SPRY3: variants seen among roughly 807,000 people sequenced by gnomAD.
SPRY3 encodes protein sprouty homolog 3.
A neutral mutation model predicts 20.2 loss-of-function variants in SPRY3; 15 were observed. The ratio of observed to expected loss-of-function variants is 0.74; its 90% CI spans 0.50 to 1.14. The LOEUF (loss-of-function observed/expected upper bound fraction) is 1.14. SPRY3 is among the 50% of genes most tolerant of loss of function. SPRY3 has a pLI of 0.00. For synonymous variants in SPRY3, 143 were observed against 136.5 expected (o/e 1.05, Z -0.33); for missense variants, 364 against 363.9 (o/e 1.00, Z 0.00).
intron 2 of SPRY3, among the ~76,000 whole-genome samples, chrX:155,763,835 G>T (rs28666767): frequency 0.014 from 2,134 of 152,112 alleles, 52 homozygotes; most frequent in African/African-American, 0.049. Context: ...CTCTTTTTCA[G>T]TATGCTCTGT....
intron 2 of SPRY3, among the ~76,000 whole-genome samples, chrX:155,722,213 T>TA (rs1275803171): frequency 5.3e-5 from 8 of 152,028 alleles, no homozygotes; most frequent in Admixed American, 3.9e-4. Context: ...TCAAAAGACA[T>TA]AAAAAAATAC....
At chrX:155,680,261 A>T (rs1051916463) in intron 2 of SPRY3, among the ~76,000 whole-genome samples, 24 of 106,173 alleles carry the variant, frequency 2.3e-4, no homozygotes, top group African/African-American at 8.3e-4. Flanking sequence ...TAGAGATACT[A>T]CTACTACTCT....
chrX:155,732,143 C>G (rs1010453771), intron 2 of SPRY3, among the ~76,000 whole-genome samples: 1 of 151,962 alleles, frequency 6.6e-6, no homozygotes, highest in South Asian at 2.1e-4. Context: ...CCAAAATAGA[C>G]GATTCTGATG....
At chrX:155,774,502 T>C (rs141980761) in exon 4 of SPRY3, 67 of 1,613,918 alleles carry the variant, frequency 4.2e-5, no homozygotes, top group Non-Finnish European at 5.3e-5. Context: ...TGATGAGCCC[T>C]GCTCTTGTGG....
intron 2 of SPRY3, among the ~76,000 whole-genome samples, chrX:155,707,232 A>G (rs2090958179): frequency 6.6e-6 from 1 of 150,988 alleles, no homozygotes; most frequent in South Asian, 2.1e-4. Context: ...TTTCCTTGTG[A>G]TTTCTTTTAT....
chrX:155,774,375 G>T (rs758224121), exon 4 of SPRY3: 1 of 1,614,006 alleles, frequency 6.2e-7, no homozygotes, highest in Admixed American at 1.7e-5. Flanking sequence ...CCTCCTGCTG[G>T]CTGTGCAACC....
intron 2 of SPRY3, among the ~76,000 whole-genome samples, chrX:155,660,977 A>G (rs2068008167): frequency 9.0e-6 from 1 of 111,562 alleles, no homozygotes; most frequent in Non-Finnish European, 1.9e-5. Context: ...CTTTAAATCC[A>G]TTCCACTAGT....
At chrX:155,742,211 A>G (rs1205514874) in intron 2 of SPRY3, among the ~76,000 whole-genome samples, 2 of 152,156 alleles carry the variant, frequency 1.3e-5, no homozygotes, top group African/African-American at 4.8e-5. Flanking sequence ...GTCTGACAAA[A>G]TAGATTTTAG....
chrX:155,634,182 T>C (rs1557350775), intron 1 of SPRY3, among the ~76,000 whole-genome samples: 1 of 111,410 alleles, frequency 9.0e-6, no homozygotes, highest in African/African-American at 3.3e-5. Flanking sequence ...CTGGATATTG[T>C]TACTGTTGAG....
chrX:155,700,292 AAG>A (rs1367804676), intron 2 of SPRY3, among the ~76,000 whole-genome samples: 2 of 56,990 alleles, frequency 3.5e-5, no homozygotes, highest in Non-Finnish European at 6.1e-5. Flanking sequence ...GGAAAATAAC[AAG>A]TGTTGTTGAG....
intron 2 of SPRY3, among the ~76,000 whole-genome samples, chrX:155,743,213 C>T (rs1484395897): frequency 2.0e-5 from 3 of 152,108 alleles, no homozygotes; most frequent in Admixed American, 2.0e-4. Context: ...ACTAGAAAAT[C>T]TAGAAGAAAT....
intron 1 of SPRY3, among the ~76,000 whole-genome samples, chrX:155,614,829 TGAATGAATAGC>T (rs2067845666): frequency 9.0e-6 from 1 of 111,493 alleles, no homozygotes; most frequent in Non-Finnish European, 1.9e-5. Flanking sequence ...ATTTTTGGAA[TGAATGAATAGC>T]TGAATAAAAG....
In SPRY3 at chrX:155,623,762, A is replaced by T. The variant is rs188201715; in HGVS notation, c.-441+11115A>T. 4.4e-5 allele frequency among the ~76,000 whole-genome samples: 5 copies of T among 112,537 alleles called. No individual in the cohort carries two copies. The East Asian group carries it at 1.4e-3, about 31-fold the overall frequency. ...TTATTTTCTTTCCACTTGCTCTTGA[A>T]GAGACAGCTTTGCTGATTTCTGCAT... On this transcript the variant is annotated intron_variant, in intron 1 of 3. Transcript: ENST00000675360.
intron 2 of SPRY3, among the ~76,000 whole-genome samples, chrX:155,706,989 A>G: frequency 6.6e-6 from 1 of 150,794 alleles, no homozygotes; most frequent in East Asian, 1.9e-4. Context: ...TTTCTATTTC[A>G]TTGATTTGTG....
chrX:155,734,005 C>T (rs1359672861), intron 2 of SPRY3, among the ~76,000 whole-genome samples: 8 of 152,098 alleles, frequency 5.3e-5, no homozygotes, highest in Non-Finnish European at 1.0e-4. Context: ...ATCTAGACCA[C>T]GAAAACGTTC....
At chrX:155,643,540 C>A (rs1234464672) in intron 1 of SPRY3, among the ~76,000 whole-genome samples, 1 of 111,210 alleles carries the variant, frequency 9.0e-6, no homozygotes, top group Non-Finnish European at 1.9e-5. Context: ...TTTCTCTCGT[C>A]TTAACTTCCT....
intron 2 of SPRY3, among the ~76,000 whole-genome samples, chrX:155,723,152 T>C (rs2091072835): frequency 1.3e-5 from 2 of 152,206 alleles, no homozygotes; most frequent in African/African-American, 2.4e-5. Context: ...ATGGTGTATA[T>C]GTGCCACATT....
intron 2 of SPRY3, among the ~76,000 whole-genome samples, chrX:155,679,242 A>T (rs749808214): frequency 8.9e-6 from 1 of 111,828 alleles, no homozygotes; most frequent in Admixed American, 9.5e-5. Context: ...CATGAATACA[A>T]ATTTTAAAAA....
intron 2 of SPRY3, among the ~76,000 whole-genome samples, chrX:155,697,135 G>A (rs1387822865): frequency 1.8e-5 from 2 of 111,230 alleles, no homozygotes; most frequent in Non-Finnish European, 3.8e-5. Context: ...ATTATTTTTG[G>A]TTGTGTCTGT....
Sources: allele counts gnomAD v4.1 joint callset (sites outside exome capture counted in the v4.1 genomes callset), GRCh38; gene constraint gnomAD v4.1.1; transcripts MANE v1.5; gene names NCBI Gene and HGNC (gene_info 2026-07-23, HGNC 2026-07-21).